Variants in CALN1 observed in about 807,000 individuals in gnomAD.
CALN1 encodes calneuron 1.
CALN1 carries 17 observed loss-of-function variants against 30.6 expected under a neutral mutation model. The observed-to-expected ratio is 0.56, with a 90% CI of 0.38 to 0.83. The LOEUF is 0.83. Among genes scored for constraint, CALN1 ranks in the 40% least tolerant of loss-of-function variants. The pLI is 0.00. For synonymous variants in CALN1, 156 were observed against 131.4 expected (o/e 1.19, Z -1.28); for missense variants, 291 against 354.9 (o/e 0.82, Z 1.45).
chr7:71,916,756 G>C (rs1358313392), intron 5 of CALN1, among the ~76,000 whole-genome samples: 3 of 152,100 alleles, frequency 2.0e-5, no homozygotes, highest in Non-Finnish European at 4.4e-5. Context: ...ATGTTTACCT[G>C]TGTAACAAAC....
intron 2 of CALN1, among the ~76,000 whole-genome samples, chr7:72,388,629 A>C (rs924208907): frequency 1.3e-5 from 2 of 152,210 alleles, no homozygotes; most frequent in Non-Finnish European, 2.9e-5. Flanking sequence ...AAAAAAGTTT[A>C]TTCTTAAAAA....
At chr7:72,401,221 G>A (rs372279389) in intron 2 of CALN1, among the ~76,000 whole-genome samples, 4 of 152,154 alleles carry the variant, frequency 2.6e-5, no homozygotes, top group Admixed American at 6.5e-5. Context: ...AAGAACTGAA[G>A]GGCAGGAGGC....
At chr7:72,272,171 T>C (rs2129553541) in intron 3 of CALN1, among the ~76,000 whole-genome samples, 1 of 151,994 alleles carries the variant, frequency 6.6e-6, no homozygotes, top group South Asian at 2.1e-4. Flanking sequence ...GGTCAACTAC[T>C]AAAATGGAAC....
intron 4 of CALN1, among the ~76,000 whole-genome samples, chr7:72,101,491 T>C (rs763845590): frequency 1.4e-4 from 22 of 152,154 alleles, no homozygotes; most frequent in African/African-American, 4.8e-4. Context: ...TACAAAGACA[T>C]GGTGAGTCAC....
At chr7:72,219,675 A>G (rs1022565185) in intron 3 of CALN1, among the ~76,000 whole-genome samples, 4 of 125,752 alleles carry the variant, frequency 3.2e-5, no homozygotes, top group African/African-American at 5.5e-5. Context: ...TTGCACACAC[A>G]TGCATACACA....
intron 3 of CALN1, among the ~76,000 whole-genome samples, chr7:72,261,002 G>T (rs952886979): frequency 1.3e-5 from 2 of 152,092 alleles, no homozygotes; most frequent in African/African-American, 4.8e-5. Context: ...ACACCAACTG[G>T]CACCAGCTTA....
chr7:71,883,333 G>C (rs185224151), intron 5 of CALN1, among the ~76,000 whole-genome samples: 1 of 152,264 alleles, frequency 6.6e-6, no homozygotes, highest in Non-Finnish European at 1.5e-5. Context: ...AGGATCGCTT[G>C]AAGCCAGGGG....
intron 3 of CALN1, among the ~76,000 whole-genome samples, chr7:72,189,854 G>T (rs1790478515): frequency 6.6e-6 from 1 of 151,552 alleles, no homozygotes; most frequent in Non-Finnish European, 1.5e-5. Flanking sequence ...CCATGCTAAT[G>T]AATTCCTTCC....
the CALN1 span, among the ~76,000 whole-genome samples, chr7:72,463,824 G>A: frequency 4.8e-4 from 73 of 152,132 alleles, no homozygotes; most frequent in African/African-American, 1.7e-3. Flanking sequence ...GCCTCCCAAA[G>A]TGTGGAGATT....
intron 3 of CALN1, among the ~76,000 whole-genome samples, chr7:72,213,170 C>T (rs2129548361): frequency 6.6e-6 from 1 of 152,340 alleles, no homozygotes; most frequent in East Asian, 1.9e-4. Flanking sequence ...ATTGCTAATG[C>T]ATTGCGTGTC....
At chr7:72,048,745 C>T (rs1346949281) in intron 4 of CALN1, among the ~76,000 whole-genome samples, 2 of 149,946 alleles carry the variant, frequency 1.3e-5, no homozygotes, top group Non-Finnish European at 3.0e-5. Context: ...TTCTTCTCTG[C>T]CTCCTTCCTT....
chr7:71,979,923 G>A (rs1317894665), intron 5 of CALN1, among the ~76,000 whole-genome samples: 1 of 132,334 alleles, frequency 7.6e-6, no homozygotes, highest in Non-Finnish European at 1.5e-5. Flanking sequence ...TGTTGCCCAA[G>A]CTGGAGTGCA....
At chr7:72,240,192 CT>C (rs57111533) in intron 3 of CALN1, among the ~76,000 whole-genome samples, 3,520 of 140,212 alleles carry the variant, frequency 0.025, 72 homozygotes, top group African/African-American at 0.056. Context: ...GGGGAAATTT[CT>C]TTTTTTTTTT....
intron 5 of CALN1, among the ~76,000 whole-genome samples, chr7:71,811,881 G>A (rs1018588352): frequency 6.6e-6 from 1 of 151,644 alleles, no homozygotes; most frequent in Non-Finnish European, 1.5e-5. Flanking sequence ...GTTTCGCCAT[G>A]TTGGTCAAGC....
At chr7:72,305,023 C>A (rs1260509394) in intron 2 of CALN1, among the ~76,000 whole-genome samples, 1 of 152,222 alleles carries the variant, frequency 6.6e-6, no homozygotes, top group African/African-American at 2.4e-5. Flanking sequence ...ATGGCCACGG[C>A]TACAGTGACC....
At chr7:71,952,508 G>A (rs948656383) in intron 5 of CALN1, among the ~76,000 whole-genome samples, 1 of 152,150 alleles carries the variant, frequency 6.6e-6, no homozygotes. Flanking sequence ...TTGGCCAGGC[G>A]GCAATGCTCC....
At chr7:72,153,827 A>G (rs890521913) in intron 3 of CALN1, among the ~76,000 whole-genome samples, 2 of 152,204 alleles carry the variant, frequency 1.3e-5, no homozygotes, top group Non-Finnish European at 2.9e-5. Flanking sequence ...GATGCTTTGA[A>G]GCACTCTGCC....
At chr7:71,932,795 G>A (rs1307175718) in intron 5 of CALN1, among the ~76,000 whole-genome samples, 2 of 140,204 alleles carry the variant, frequency 1.4e-5, no homozygotes, top group Non-Finnish European at 3.0e-5. Flanking sequence ...CAGCCTGGGT[G>A]ACAGAGCGAT....
intron 5 of CALN1, among the ~76,000 whole-genome samples, chr7:72,015,216 C>T (rs148955575): frequency 4.6e-5 from 7 of 152,266 alleles, no homozygotes; most frequent in Non-Finnish European, 8.8e-5. Flanking sequence ...AGGGTCAGAA[C>T]CAGATCAGTA....
Sources: allele counts gnomAD v4.1 joint callset (sites outside exome capture counted in the v4.1 genomes callset), GRCh38; gene constraint gnomAD v4.1.1; transcripts MANE v1.5; gene names NCBI Gene and HGNC (gene_info 2026-07-23, HGNC 2026-07-21).